Variants in PPP2R5C observed in about 807,000 individuals in gnomAD.
PPP2R5C encodes the protein protein phosphatase 2 regulatory subunit B'gamma.
Under a neutral mutation model 68.9 loss-of-function variants are expected in PPP2R5C, and 7 were observed. The observed-to-expected ratio is 0.10, with a 90% CI of 0.06 to 0.19. The LOEUF is 0.19. Ranked by LOEUF, PPP2R5C falls within the 10% of genes least tolerant of loss-of-function variation. The pLI is 1.00. For missense variants in PPP2R5C, 348 were observed against 641.3 expected, an observed-to-expected ratio of 0.54 and a Z score of 4.94; for synonymous variants, 210 against 222.2, an observed-to-expected ratio of 0.95 and a Z score of 0.49.
rs2037686982 is a variant in PPP2R5C at position 101,781,492 on chromosome 14, C to T, written c.94-4526C>T. ...CTCCCGCCGGGCCCTCCTGCCGCCC[C>T]CCAGCCTCCCCGCCCCTGCCCTTGC... On this transcript the variant is annotated intron_variant, in intron 2 of 14. Transcript: ENST00000328724. The surrounding 1 kb of genome is among the most constrained non-coding windows in gnomAD (Gnocchi z 6.4). 1.3e-5 allele frequency among the ~76,000 whole-genome samples: 2 copies of T among 152,224 alleles called. No homozygotes were observed. Among genetic ancestry groups the T allele is most frequent in the South Asian group, 2.1e-4 (1 of 4,828 alleles).
intron 1 of PPP2R5C, among the ~76,000 whole-genome samples, chr14:101,840,698 A>G (rs1354724116): frequency 1.3e-5 from 2 of 152,166 alleles, no homozygotes; most frequent in Non-Finnish European, 2.9e-5. Context: ...TTCAACCAAC[A>G]TTTAAGTAGT....
At chr14:101,823,756 TCA>T in intron 1 of PPP2R5C, 1 of 1,089,912 alleles carries the variant, frequency 9.2e-7, no homozygotes, top group Non-Finnish European at 1.1e-6. Context: ...GGTTCTGGGC[TCA>T]CCCCTCTCTG....
At chr14:101,795,164 C>T (rs61994028) in intron 3 of PPP2R5C, among the ~76,000 whole-genome samples, 6 of 152,104 alleles carry the variant, frequency 3.9e-5, no homozygotes, top group South Asian at 4.1e-4. Flanking sequence ...CTTTTGTTAT[C>T]GTTGTTGTTC....
At chr14:101,897,747 C>G (rs1388177295) in intron 8 of PPP2R5C, among the ~76,000 whole-genome samples, 4 of 151,728 alleles carry the variant, frequency 2.6e-5, no homozygotes, top group African/African-American at 9.7e-5. Flanking sequence ...ATCCTTCAAT[C>G]CAAACAAGTT....
intron 11 of PPP2R5C, 115 bp downstream of exon 13, chr14:101,909,805 C>G (rs1011832598): frequency 1.6e-6 from 1 of 615,878 alleles, no homozygotes; most frequent in Admixed American, 3.1e-5. Flanking sequence ...CAAAACCAAG[C>G]CTTTCATACT....
At chr14:101,848,819 T>C (rs1407901435) in intron 1 of PPP2R5C, among the ~76,000 whole-genome samples, 2 of 152,238 alleles carry the variant, frequency 1.3e-5, no homozygotes, top group Non-Finnish European at 2.9e-5. Context: ...TTTCATTTTT[T>C]AGCCATATGC....
intron 1 of PPP2R5C, chr14:101,818,968 T>C (rs372728220): frequency 1.0e-5 from 15 of 1,501,062 alleles, no homozygotes; most frequent in African/African-American, 1.4e-5. Flanking sequence ...TTATAACTTA[T>C]GAAAAAGTTA....
At chr14:101,855,399 A>C (rs1221415956) in intron 1 of PPP2R5C, among the ~76,000 whole-genome samples, 1 of 152,222 alleles carries the variant, frequency 6.6e-6, no homozygotes. Context: ...TAGCCTTTTC[A>C]GATAGTCGTG....
At chr14:101,868,563 CAT>C (rs1375058911) in intron 2 of PPP2R5C, among the ~76,000 whole-genome samples, 1 of 152,118 alleles carries the variant, frequency 6.6e-6, no homozygotes, top group Non-Finnish European at 1.5e-5. Flanking sequence ...CAGATATATG[CAT>C]ATGTTAAATA....
Position 101,873,044 on chromosome 14 carries a change from A to AT in PPP2R5C, c.295-9109dup, listed in dbSNP as rs900751990. On this transcript the variant is annotated intron_variant, in intron 2 of 13. Transcript: ENST00000334743. ...TTACAGTAAATTTTTCATTTCACAC[A>AT]TTTTTTTTAATTAAGTGAGCAAATT... is the stretch of plus-strand genomic sequence containing the variant. 2.6e-4 allele frequency among the ~76,000 whole-genome samples: 39 copies of AT among 150,228 alleles called. No individual in the cohort carries two copies. The East Asian group carries it at 7.4e-3, about 29-fold the overall frequency.
chr14:101,856,938 C>A, intron 2 of PPP2R5C, 53 bp downstream of exon 4: 1 of 1,533,394 alleles, frequency 6.5e-7, no homozygotes, highest in Non-Finnish European at 9.0e-7. Flanking sequence ...ATAAACAGGA[C>A]AGGCCAAGAT....
At chr14:101,792,120 T>A (rs774646950) in intron 3 of PPP2R5C, among the ~76,000 whole-genome samples, 2 of 152,194 alleles carry the variant, frequency 1.3e-5, no homozygotes, top group Non-Finnish European at 2.9e-5. Context: ...AATGGAAACC[T>A]TTTTTGGCTG....
At chr14:101,856,559 C>T (rs879000687) in intron 1 of PPP2R5C, 127 bp from the exon 4 acceptor site, 4 of 855,802 alleles carry the variant, frequency 4.7e-6, no homozygotes, top group African/African-American at 3.7e-5. Flanking sequence ...CCTTTGTTTA[C>T]CCCACCCATC....
intron 1 of PPP2R5C, among the ~76,000 whole-genome samples, chr14:101,847,337 G>A (rs2041890598): frequency 6.6e-6 from 1 of 152,208 alleles, no homozygotes; most frequent in Non-Finnish European, 1.5e-5. Flanking sequence ...AATGCAGCCT[G>A]ATTAATATCT....
At chr14:101,846,332 C>G (rs1400405573) in intron 1 of PPP2R5C, among the ~76,000 whole-genome samples, 3 of 151,964 alleles carry the variant, frequency 2.0e-5, no homozygotes, top group Non-Finnish European at 4.4e-5. Flanking sequence ...GTAGTCCAAA[C>G]CATTTTTAAA....
chr14:101,768,954 A>T (rs2037007222), intron 2 of PPP2R5C, among the ~76,000 whole-genome samples: 1 of 151,750 alleles, frequency 6.6e-6, no homozygotes. Flanking sequence ...CCTCCCGAGT[A>T]GCTGGGACTA....
rs1444293865 is a variant in PPP2R5C at position 101,917,440 on chromosome 14, G to T, written c.1327-391G>T. Among the ~76,000 whole-genome samples, 1 of 152,202 alleles carries T rather than the reference G, an allele frequency of 6.6e-6. No homozygotes were observed. The highest frequency in any genetic ancestry group is 1.5e-5 in the Non-Finnish European group (1 of 68,038). On this transcript the variant is annotated intron_variant, in intron 12 of 13. Transcript: ENST00000334743. The surrounding 1 kb of genome is among the most constrained non-coding windows in gnomAD (Gnocchi z 4.4). ...AGAATCATGAGGTTGGAGGTCGCTG[G>T]CAAAGAATGGGCGGCCAGAGGTGAG...
chr14:101,848,548 A>C (rs2041972051), intron 1 of PPP2R5C, among the ~76,000 whole-genome samples: 1 of 151,998 alleles, frequency 6.6e-6, no homozygotes, highest in African/African-American at 2.4e-5. Flanking sequence ...AAAAAAAAAA[A>C]AGAAAGAAAG....
intron 1 of PPP2R5C, among the ~76,000 whole-genome samples, chr14:101,826,969 C>CTTTTTTTTT (rs1030539072): frequency 3.1e-5 from 3 of 95,864 alleles, no homozygotes; most frequent in Non-Finnish European, 4.0e-5. Flanking sequence ...AAATGTTTAA[C>CTTTTTTTTT]TTTTTTTTTT....
Sources: allele counts gnomAD v4.1 joint callset (sites outside exome capture counted in the v4.1 genomes callset), GRCh38; gene constraint gnomAD v4.1.1; non-coding constraint Gnocchi (gnomAD v3.1); transcripts MANE v1.5; gene names NCBI Gene and HGNC (gene_info 2026-07-23, HGNC 2026-07-21).